LYPLA1: variants seen among roughly 807,000 people sequenced by gnomAD.
LYPLA1 encodes acyl-protein thioesterase 1.
A neutral mutation model predicts 34.0 loss-of-function variants in LYPLA1; 17 were observed. The observed-to-expected ratio is 0.50, with a 90% CI of 0.34 to 0.75. The LOEUF (loss-of-function observed/expected upper bound fraction) is 0.75, where lower values mean the gene tolerates loss of function less well. Ranked by LOEUF, LYPLA1 falls within the 30% of genes least tolerant of loss-of-function variation. The pLI, the probability that LYPLA1 is intolerant of heterozygous loss-of-function variation, is 0.01. For synonymous variants in LYPLA1, 98 were observed against 100.8 expected (o/e 0.97, Z 0.17); for missense variants, 203 against 288.8 (o/e 0.70, Z 2.15).
At chr8:54,081,713 C>G (rs983823304) in intron 2 of LYPLA1, among the ~76,000 whole-genome samples, 1 of 149,418 alleles carries the variant, frequency 6.7e-6, no homozygotes, top group Non-Finnish European at 1.5e-5. Flanking sequence ...CTGCGCCCAG[C>G]CTTTCTTTTC....
chr8:54,090,678 A>G (rs927728088), intron 2 of LYPLA1, among the ~76,000 whole-genome samples: 5 of 152,074 alleles, frequency 3.3e-5, no homozygotes, highest in African/African-American at 4.8e-5. Flanking sequence ...AGCTTTCACT[A>G]TCTTGTGTGT....
chr8:54,082,499 G>A (rs1397498315), intron 2 of LYPLA1, among the ~76,000 whole-genome samples: 2 of 151,042 alleles, frequency 1.3e-5, no homozygotes, highest in African/African-American at 4.9e-5. Context: ...CTTTTTTTTT[G>A]GTAGAGACAG....
In LYPLA1 at chr8:54,048,039, C is replaced by G; in HGVS notation, c.*26G>C. ...ACTCTACTACAATGATGCTGGTGTA[C>G]TTCTACACAAGGCCTCTTAGTGACG... On this transcript the variant is annotated 3_prime_UTR_variant, in exon 9 of 9. Transcript: ENST00000316963. The G allele has an allele frequency of 1.3e-6, 2 of 1,521,984 alleles. No homozygotes were observed. Among genetic ancestry groups the G allele is most frequent in the Non-Finnish European group, 1.8e-6 (2 of 1,097,754 alleles). The allele number at this position is 1,521,984 out of a possible 1,614,324, so 94.3% of individuals were successfully genotyped here.
At position 54,055,444 on chromosome 8, in the gene LYPLA1, C is replaced by T. The variant is rs563185075; in HGVS notation, c.287-311G>A. On this transcript the variant is annotated intron_variant, in intron 5 of 8. Coordinates refer to ENST00000316963, the MANE Select transcript of LYPLA1 (RefSeq NM_006330.4). ...ACTATAAAACACTGATGAAAGAGGA[C>T]ACCAAAAAATGGAAAAAAGATTCCA... Among the ~76,000 whole-genome samples, 359 of 151,894 alleles carry T rather than the reference C, an allele frequency of 2.4e-3. 3 individuals carry two copies. The highest frequency in any genetic ancestry group is 3.3e-3 in the East Asian group (17 of 5,164).
chr8:54,088,373 C>T (rs1193004894), intron 2 of LYPLA1, among the ~76,000 whole-genome samples: 1 of 152,136 alleles, frequency 6.6e-6, no homozygotes, highest in Non-Finnish European at 1.5e-5. Context: ...CAACATTAAC[C>T]ATTAGGAAAT....
chr8:54,073,262 G>T (rs1316608485), intron 2 of LYPLA1: 1 of 878,278 alleles, frequency 1.1e-6, no homozygotes, highest in Non-Finnish European at 2.0e-6. Flanking sequence ...TGTCTGAATG[G>T]GGGAACCTGC....
At chr8:54,080,309 A>T (rs1265825135) in intron 2 of LYPLA1, among the ~76,000 whole-genome samples, 1 of 152,050 alleles carries the variant, frequency 6.6e-6, no homozygotes, top group Non-Finnish European at 1.5e-5. Context: ...CCACGAGCGT[A>T]CTATGCCACT....
chr8:54,062,114 T>G (rs1375493292), intron 5 of LYPLA1, 140 bp downstream of exon 5: 1 of 585,644 alleles, frequency 1.7e-6, no homozygotes, highest in Non-Finnish European at 2.9e-6. Context: ...CGCCTCTACT[T>G]CCCAAAGTAC....
chr8:54,075,814 T>C (rs1356459930), intron 2 of LYPLA1, among the ~76,000 whole-genome samples: 1 of 152,192 alleles, frequency 6.6e-6, no homozygotes, highest in Admixed American at 6.5e-5. Context: ...CAAAAACCTA[T>C]TTCTAAGAAG....
chr8:54,101,776 G>A lies in LYPLA1; in HGVS notation c.48C>T (p.Ala16=), dbSNP rs1292928264. Reference sequence around the variant, plus strand: ...TCACCGCAGCGGTGGCCTTCCGGGCGGCGGGCACGATGGCGGGCAGCGGGG... The same window carrying A: ...TCACCGCAGCGGTGGCCTTCCGGGCAGCGGGCACGATGGCGGGCAGCGGGG... ...MSTPLPAIVP[A]ARKATAAVIF... Residue 16 remains alanine (A), a synonymous_variant, in exon 1 of 9, where the codon GCC becomes GCT. Coordinates refer to ENST00000316963, the MANE Select transcript of LYPLA1 (RefSeq NM_006330.4). The A allele has an allele frequency of 7.7e-7, 1 of 1,299,512 alleles. No individual in the cohort carries two copies. Among genetic ancestry groups the A allele is most frequent in the African/African-American group, 1.5e-5 (1 of 65,538 alleles). 80.5% of individuals were successfully genotyped at this position (1,299,512 alleles called of 1,614,324 possible).
intron 2 of LYPLA1, among the ~76,000 whole-genome samples, chr8:54,095,905 C>T (rs965638908): frequency 6.6e-6 from 1 of 152,038 alleles, no homozygotes; most frequent in African/African-American, 2.4e-5. Context: ...TCATGAAAGA[C>T]AAGGACTGTT....
At chr8:54,057,463 T>C (rs1159611444) in intron 5 of LYPLA1, among the ~76,000 whole-genome samples, 1 of 152,064 alleles carries the variant, frequency 6.6e-6, no homozygotes, top group Admixed American at 6.6e-5. Flanking sequence ...ATATGCACAA[T>C]GAAGTACTAT....
intron 6 of LYPLA1, chr8:54,054,779 C>G: frequency 3.4e-6 from 1 of 292,096 alleles, no homozygotes; most frequent in Non-Finnish European, 6.2e-6. Context: ...GTAGTCTCCT[C>G]CTATAGAGGG....
At chr8:54,064,767 T>C (rs1386556389) in intron 3 of LYPLA1, among the ~76,000 whole-genome samples, 1 of 152,190 alleles carries the variant, frequency 6.6e-6, no homozygotes, top group African/African-American at 2.4e-5. Flanking sequence ...TTGGTTTCCC[T>C]GGGCTACATT....
intron 2 of LYPLA1, among the ~76,000 whole-genome samples, chr8:54,083,587 A>G (rs1808469315): frequency 6.6e-6 from 1 of 152,224 alleles, no homozygotes; most frequent in South Asian, 2.1e-4. Flanking sequence ...CTCTGTTGCA[A>G]CTACTCAACT....
intron 8 of LYPLA1, 51 bp from the exon 9 acceptor site, chr8:54,048,169 T>A: frequency 1.7e-6 from 2 of 1,161,044 alleles, no homozygotes; most frequent in Non-Finnish European, 2.6e-6. Context: ...AAGTCAGAAA[T>A]TAAATTCCCA....
intron 2 of LYPLA1, among the ~76,000 whole-genome samples, chr8:54,085,589 C>T (rs566774620): frequency 3.3e-5 from 5 of 151,620 alleles, no homozygotes; most frequent in Admixed American, 6.6e-5. Context: ...TCTGCCCTGC[C>T]GCCCCGTCTG....
chr8:54,071,940 C>T (rs904137768), intron 2 of LYPLA1, among the ~76,000 whole-genome samples: 4 of 152,042 alleles, frequency 2.6e-5, no homozygotes, highest in African/African-American at 9.7e-5. Context: ...CAATCCTAAG[C>T]AAAAAGAACA....
At chr8:54,067,290 G>A (rs1055851398) in intron 2 of LYPLA1, among the ~76,000 whole-genome samples, 5 of 152,290 alleles carry the variant, frequency 3.3e-5, no homozygotes, top group Middle Eastern at 3.4e-3. Flanking sequence ...GAGACCAGGA[G>A]TTTAAGACCA....
Sources: allele counts gnomAD v4.1 joint callset (sites outside exome capture counted in the v4.1 genomes callset), GRCh38; gene constraint gnomAD v4.1.1; transcripts MANE v1.5; gene names NCBI Gene and HGNC (gene_info 2026-07-23, HGNC 2026-07-21).